The following CAMK2B variants were observed in gnomAD, a reference collection of about 807,000 sequenced individuals.
CAMK2B encodes calcium/calmodulin-dependent protein kinase type II subunit beta.
CAMK2B carries 27 observed loss-of-function variants against 93.7 expected under a neutral mutation model. The observed-to-expected ratio is 0.29, with a 90% CI of 0.21 to 0.40. CAMK2B has a LOEUF of 0.40. CAMK2B is among the 10% of genes least tolerant of loss of function. CAMK2B has a pLI of 1.00. For missense variants in CAMK2B, 568 were observed against 895.8 expected, an observed-to-expected ratio of 0.63 and a Z score of 4.67; for synonymous variants, 374 against 358.8, an observed-to-expected ratio of 1.04 and a Z score of -0.48.
At chr7:44,294,417 C>A (rs1787724035) in intron 1 of CAMK2B, among the ~76,000 whole-genome samples, 1 of 152,166 alleles carries the variant, frequency 6.6e-6, no homozygotes. Flanking sequence ...CAGCGACCAG[C>A]CCAGAACAGG....
rs200115000 is a variant in CAMK2B at position 44,220,165 on chromosome 7, C to T, written c.1898G>A (p.Arg633His). The change falls in exon 23 of 24, where the codon CGC (arginine) becomes CAC (histidine). Residue 633 changes from arginine (R) to histidine (H), a missense_variant. Physicochemically the swap from Arg to His is conservative, Grantham distance 29 (BLOSUM62 0). This residue lies in a region of CAMK2B where 116 missense variants were observed against 188.0 expected (regional missense o/e 0.62). Coordinates refer to ENST00000395749, the MANE Select transcript of CAMK2B (RefSeq NM_001220.5). ...TQYIDGQGRP[R>H]TSQSEETRVW... ...GCGGGTCTCCTCAGACTGGCTGGTG[C>T]GGGGCCGGCCCTGCCCGTCAATGTA... 1.8e-5 allele frequency: 29 copies of T among 1,610,250 alleles called. No homozygotes were observed. Among genetic ancestry groups the T allele is most frequent in the Admixed American group, 1.3e-4 (8 of 59,790 alleles).
intron 4 of CAMK2B, among the ~76,000 whole-genome samples, chr7:44,255,289 G>C (rs2096824840): frequency 6.6e-6 from 1 of 152,204 alleles, no homozygotes; most frequent in South Asian, 2.1e-4. Context: ...CTATGGTCAG[G>C]ATAGACCCTG....
At chr7:44,229,355 G>C in intron 18 of CAMK2B, 33 bp downstream of exon 18, 1 of 1,427,440 alleles carries the variant, frequency 7.0e-7, no homozygotes, top group South Asian at 1.3e-5. Flanking sequence ...CCTCCAACAT[G>C]ACCCCCACAG....
rs1447004853 is a variant in CAMK2B at position 44,225,862 on chromosome 7, G to T, written c.1597+654C>A. ...GTCTGGTGTCTCCCCACAGGTGGGGGTGGCAGCAGCCCTGGGATGTCATCC... is the reference window on the plus strand; with the variant it reads ...GTCTGGTGTCTCCCCACAGGTGGGGTTGGCAGCAGCCCTGGGATGTCATCC... On this transcript the variant is annotated intron_variant, in intron 20 of 23. Coordinates refer to ENST00000395749, the MANE Select transcript of CAMK2B (RefSeq NM_001220.5). This position sits in a 1 kb window ranked among gnomAD's most constrained non-coding sequence, Gnocchi z 5.0. 3 of 1,289,350 alleles carry T rather than the reference G, an allele frequency of 2.3e-6. No homozygotes were observed. Among genetic ancestry groups the T allele is most frequent in the South Asian group, 2.5e-5 (2 of 81,018 alleles). The allele number at this position is 1,289,350 out of a possible 1,614,324, so 79.9% of individuals were successfully genotyped here.
chr7:44,299,840 A>G (rs780414562), intron 1 of CAMK2B, among the ~76,000 whole-genome samples: 13 of 152,232 alleles, frequency 8.5e-5, no homozygotes, highest in African/African-American at 3.1e-4. Flanking sequence ...AATGTTAGCC[A>G]TGATTATTTC....
chr7:44,313,837 GA>G (rs1360562262), intron 1 of CAMK2B, among the ~76,000 whole-genome samples: 7 of 151,032 alleles, frequency 4.6e-5, no homozygotes. Flanking sequence ...GCTAAGTTTA[GA>G]GATGCTGTCA....
chr7:44,272,768 T>TG (rs964181212), intron 2 of CAMK2B, among the ~76,000 whole-genome samples: 61 of 152,314 alleles, frequency 4.0e-4, no homozygotes, highest in Admixed American at 9.8e-4. Flanking sequence ...GGCTACACAC[T>TG]GGGGGGTCCA....
chr7:44,240,252 C>A (rs966735009), intron 12 of CAMK2B, among the ~76,000 whole-genome samples: 5 of 152,180 alleles, frequency 3.3e-5, no homozygotes, highest in African/African-American at 1.2e-4. Context: ...CCCTGAGCAG[C>A]CGGGACAGGA....
intron 19 of CAMK2B, 126 bp from the exon 20 acceptor site, chr7:44,226,770 A>G (rs556728909): frequency 1.7e-5 from 1 of 58,908 alleles, no homozygotes; most frequent in Non-Finnish European, 3.2e-5. Flanking sequence ...ATGGGGCACA[A>G]GGGGACAGAG....
chr7:44,284,950 A>G (rs959032591), intron 1 of CAMK2B, among the ~76,000 whole-genome samples: 1 of 152,180 alleles, frequency 6.6e-6, no homozygotes, highest in Non-Finnish European at 1.5e-5. Context: ...CGGGGGACAG[A>G]GGGAGCTGAC....
chr7:44,307,354 G>A (rs1584847274), intron 1 of CAMK2B, among the ~76,000 whole-genome samples: 1 of 130,492 alleles, frequency 7.7e-6, no homozygotes, highest in East Asian at 2.4e-4. Flanking sequence ...GCAGGGGGAG[G>A]AAGTTGTCAG....
At chr7:44,307,045 G>A (rs924711817) in intron 1 of CAMK2B, among the ~76,000 whole-genome samples, 7 of 80,700 alleles carry the variant, frequency 8.7e-5, no homozygotes, top group East Asian at 8.1e-4. Context: ...GAGAGGAGGC[G>A]GTGAGCAGGG....
rs1013992953 is a variant in CAMK2B, at chr7:44,248,028, C to T, written c.342-836G>A. Among the ~76,000 whole-genome samples, 1 of 151,928 alleles carries T rather than the reference C, an allele frequency of 6.6e-6. No individual in the cohort carries two copies. The highest frequency in any genetic ancestry group is 1.5e-5 in the Non-Finnish European group (1 of 67,960). On this transcript the variant is annotated intron_variant, in intron 5 of 23. Coordinates refer to ENST00000395749, the MANE Select transcript of CAMK2B (RefSeq NM_001220.5). This position sits in a 1 kb window ranked among gnomAD's most constrained non-coding sequence, Gnocchi z 4.1. ...TGGGTGACAGAGGGAGAGTCCATCTCAAAAAGAAAAAAATAAAAAGTGAAA... is the reference window on the plus strand; with the variant it reads ...TGGGTGACAGAGGGAGAGTCCATCTTAAAAAGAAAAAAATAAAAAGTGAAA...
chr7:44,259,057 G>A (rs2096857695), intron 3 of CAMK2B, 131 bp from the exon 4 acceptor site: 1 of 805,020 alleles, frequency 1.2e-6, no homozygotes, highest in East Asian at 2.7e-5. Context: ...GGCTGGGTAG[G>A]GCCCGGGTGG....
At chr7:44,278,650 G>C (rs969138013) in intron 2 of CAMK2B, among the ~76,000 whole-genome samples, 1 of 152,228 alleles carries the variant, frequency 6.6e-6, no homozygotes, top group African/African-American at 2.4e-5. Flanking sequence ...GCCTGCAGAA[G>C]AGGGCCAGGA....
At position 44,225,178 on chromosome 7, in the gene CAMK2B, C is replaced by A. The variant is rs916035492; in HGVS notation, c.1597+1338G>T. On this transcript the variant is annotated intron_variant, in intron 20 of 23. Coordinates refer to ENST00000395749, the MANE Select transcript of CAMK2B (RefSeq NM_001220.5). The surrounding 1 kb of genome is among the most constrained non-coding windows in gnomAD (Gnocchi z 5.0). ...CTCAGAGGACTCACCCCAGATACTG[C>A]ACAGACCTTGAGGGCAGGCTGCAGT... is the stretch of plus-strand genomic sequence containing the variant. Among the ~76,000 whole-genome samples the A allele has an allele frequency of 6.6e-6, 1 of 152,168 alleles. No individual in the cohort carries two copies. Among genetic ancestry groups the A allele is most frequent in the African/African-American group, 2.4e-5 (1 of 41,440 alleles).
rs146561197 is a variant in CAMK2B, at chr7:44,264,181, G to T, written c.161-1117C>A. ...GACCTCGGGGATGCCTCCTTCGCCA[G>T]GAATGCCCAGTAGCACCCAGGAGCA... is the stretch of plus-strand genomic sequence containing the variant. On this transcript the variant is annotated intron_variant, in intron 2 of 23. Transcript: ENST00000395749. Among the ~76,000 whole-genome samples, 23 of 152,324 alleles carry T rather than the reference G, an allele frequency of 1.5e-4. No individual in the cohort carries two copies. In the East Asian group the frequency reaches 4.4e-3, roughly 29 times the overall value.
intron 1 of CAMK2B, among the ~76,000 whole-genome samples, chr7:44,306,737 A>C (rs146929064): frequency 0.018 from 2,467 of 139,902 alleles, 34 homozygotes; most frequent in Non-Finnish European, 0.026. Flanking sequence ...GGGTGTGGGC[A>C]GGAGGAGGAG....
chr7:44,267,004 C>G (rs1051629497), intron 2 of CAMK2B: 1 of 152,300 alleles, frequency 6.6e-6, no homozygotes, highest in Non-Finnish European at 1.5e-5. Context: ...GGCACCTCTA[C>G]GTGCACACTG....
Sources: gnomAD v4.1 joint callset for allele counts (sites outside exome capture counted in the v4.1 genomes callset) on GRCh38, gnomAD v4.1.1 for gene constraint, gnomAD v4.1.1 regional missense constraint, Gnocchi (gnomAD v3.1) non-coding constraint, MANE v1.5 for transcripts, NCBI Gene and HGNC (gene_info 2026-07-23, HGNC 2026-07-21) for gene names.